PRKCH: variants seen among roughly 807,000 people sequenced by gnomAD.
PRKCH encodes the protein protein kinase C eta type.
In PRKCH, 28 loss-of-function variants were observed where a neutral mutation model predicts 82.5. The observed-to-expected ratio is 0.34, with a 90% confidence interval of 0.25 to 0.47. PRKCH has a LOEUF of 0.47. Ranked by LOEUF, PRKCH falls within the 20% of genes least tolerant of loss-of-function variation. The pLI is 1.00. For missense variants in PRKCH, 705 were observed against 881.8 expected (o/e 0.80, Z 2.54); for synonymous variants, 322 against 327.4 (o/e 0.98, Z 0.18).
chr14:61,261,334 G>A (rs1238813916), intron 1 of PRKCH, among the ~76,000 whole-genome samples: 1 of 152,240 alleles, frequency 6.6e-6, no homozygotes, highest in Non-Finnish European at 1.5e-5. Context: ...TGCGCTGTAT[G>A]AGAAACAGAT....
At chr14:61,459,424 A>G (rs1464938237) in intron 9 of PRKCH, among the ~76,000 whole-genome samples, 1 of 152,214 alleles carries the variant, frequency 6.6e-6, no homozygotes, top group East Asian at 1.9e-4. Context: ...GAGACAGAGC[A>G]TCAGGTGTGA....
chr14:61,499,995 G>A (rs911995209), intron 10 of PRKCH, among the ~76,000 whole-genome samples: 1 of 151,378 alleles, frequency 6.6e-6, no homozygotes, highest in Admixed American at 6.6e-5. Context: ...CTATTAGCCT[G>A]ATAGTCGCTC....
intron 1 of PRKCH, among the ~76,000 whole-genome samples, chr14:61,243,946 A>G (rs1203026693): frequency 1.1e-4 from 5 of 45,132 alleles, no homozygotes; most frequent in Admixed American, 6.7e-4. Context: ...CCTCATCTTA[A>G]TTAAAAAAAA....
intron 1 of PRKCH, chr14:61,303,012 A>AT (rs139375822): frequency 0.053 from 6,829 of 128,946 alleles, 368 homozygotes; most frequent in East Asian, 0.15. Context: ...TGTTCCTTCA[A>AT]TTTTTTTTTT....
intron 2 of PRKCH, among the ~76,000 whole-genome samples, chr14:61,419,827 T>C (rs1882740096): frequency 1.3e-5 from 2 of 152,250 alleles, no homozygotes; most frequent in Admixed American, 1.3e-4. Flanking sequence ...CTATGTATTA[T>C]GTATACATTG....
chr14:61,415,278 T>C (rs1882494312), intron 2 of PRKCH, among the ~76,000 whole-genome samples: 1 of 152,178 alleles, frequency 6.6e-6, no homozygotes, highest in South Asian at 2.1e-4. Flanking sequence ...CATGGTGATA[T>C]GTGAGGGTAT....
chr14:61,450,998 A>C, intron 6 of PRKCH, 27 bp downstream of exon 6: 2 of 1,610,634 alleles, frequency 1.2e-6, no homozygotes, highest in Non-Finnish European at 1.7e-6. Context: ...CTGGGTACCC[A>C]CCTCTTCATG....
chr14:61,244,873 G>A (rs2044867266), intron 1 of PRKCH, among the ~76,000 whole-genome samples: 1 of 152,166 alleles, frequency 6.6e-6, no homozygotes. Flanking sequence ...CTGACATCAG[G>A]GTGGGTCTTT....
At chr14:61,337,986 C>T (rs1198138935) in intron 1 of PRKCH, among the ~76,000 whole-genome samples, 1 of 152,150 alleles carries the variant, frequency 6.6e-6, no homozygotes, top group Non-Finnish European at 1.5e-5. Flanking sequence ...GTTTTTGAGT[C>T]TCCTTGCCGG....
chr14:61,533,752 A>G (rs1458511725), intron 12 of PRKCH, among the ~76,000 whole-genome samples: 1 of 152,244 alleles, frequency 6.6e-6, no homozygotes, highest in Non-Finnish European at 1.5e-5. Context: ...GGGTGCCTGA[A>G]GCAGTGCTTG....
In PRKCH at chr14:61,280,429, G is replaced by T. The variant is rs1309693307; in HGVS notation, c.-19+92761G>T. 3 of 1,613,892 alleles carry T rather than the reference G, an allele frequency of 1.9e-6. No homozygotes were observed. Among genetic ancestry groups the T allele is most frequent in the Non-Finnish European group, 2.5e-6 (3 of 1,179,900 alleles). On this transcript the variant is annotated intron_variant, in intron 1 of 3. Coordinates refer to the PRKCH transcript ENST00000555185. This position sits in a 1 kb window ranked among gnomAD's most constrained non-coding sequence, Gnocchi z 5.0. Reference sequence around the variant, plus strand: ...CTGATTGATGAAGCCGGTGTTGTTGGGGTCGGGGCTGAGCTCGTAGACTGG... The same window carrying T: ...CTGATTGATGAAGCCGGTGTTGTTGTGGTCGGGGCTGAGCTCGTAGACTGG...
chr14:61,542,280 G>A (rs757457196), intron 12 of PRKCH, among the ~76,000 whole-genome samples: 1 of 150,836 alleles, frequency 6.6e-6, no homozygotes, highest in Non-Finnish European at 1.5e-5. Flanking sequence ...CAGCAAGAGC[G>A]AGACTCCATA....
intron 1 of PRKCH, among the ~76,000 whole-genome samples, chr14:61,193,647 A>G (rs776946263): frequency 6.6e-6 from 1 of 152,216 alleles, no homozygotes; most frequent in Non-Finnish European, 1.5e-5. Context: ...TAATGAGACC[A>G]TATTTCTTGG....
At chr14:61,515,256 A>C (rs2042806396) in intron 10 of PRKCH, among the ~76,000 whole-genome samples, 1 of 152,120 alleles carries the variant, frequency 6.6e-6, no homozygotes, top group Admixed American at 6.5e-5. Flanking sequence ...CTTCCTGGGA[A>C]TTTTGTGTTT....
intron 2 of PRKCH, among the ~76,000 whole-genome samples, chr14:61,439,085 G>A (rs1883817655): frequency 6.6e-6 from 1 of 151,604 alleles, no homozygotes; most frequent in African/African-American, 2.4e-5. Context: ...TTTGGCTGCA[G>A]AGCATGTTAG....
intron 1 of PRKCH, chr14:61,390,886 GT>G (rs1254368625): frequency 5.0e-6 from 1 of 201,148 alleles, no homozygotes; most frequent in African/African-American, 2.4e-5. Context: ...ATGTGGTTTA[GT>G]AAAATGCTGC....
chr14:61,413,511 A>G (rs1011242439), intron 2 of PRKCH, among the ~76,000 whole-genome samples: 7 of 149,240 alleles, frequency 4.7e-5, no homozygotes, highest in Non-Finnish European at 1.0e-4. Flanking sequence ...TCCCTCAACT[A>G]CACTGACTTT....
At chr14:61,536,104 C>G (rs941137563) in intron 12 of PRKCH, among the ~76,000 whole-genome samples, 2 of 152,216 alleles carry the variant, frequency 1.3e-5, no homozygotes, top group Non-Finnish European at 2.9e-5. Context: ...GAGCCACATA[C>G]AAGCTCCCCT....
chr14:61,396,506 G>A (rs529750708), intron 2 of PRKCH, among the ~76,000 whole-genome samples: 2 of 152,282 alleles, frequency 1.3e-5, no homozygotes, highest in South Asian at 4.1e-4. Context: ...GAGCTCATAG[G>A]AGGGAAGGCA....
Sources: gnomAD v4.1 joint callset for allele counts (sites outside exome capture counted in the v4.1 genomes callset) on GRCh38, gnomAD v4.1.1 for gene constraint, Gnocchi (gnomAD v3.1) non-coding constraint, MANE v1.5 for transcripts, NCBI Gene and HGNC (gene_info 2026-07-23, HGNC 2026-07-21) for gene names.